Variants in ACACA observed in about 807,000 individuals in gnomAD.
ACACA encodes the protein acetyl-CoA carboxylase 1.
In ACACA, 103 loss-of-function variants were observed where a neutral mutation model predicts 296.1. The ratio of observed to expected loss-of-function variants is 0.35; its 90% CI spans 0.30 to 0.41. ACACA has a LOEUF of 0.41. Ranked by LOEUF, ACACA falls within the 10% of genes least tolerant of loss-of-function variation. ACACA has a pLI of 1.00. For synonymous variants in ACACA, 953 were observed against 1,038.6 expected (o/e 0.92, Z 1.58); for missense variants, 1,554 against 2,989.7 (o/e 0.52, Z 11.20).
intron 1 of ACACA, chr17:37,359,080 C>T: frequency 1.0e-6 from 1 of 985,904 alleles, no homozygotes; most frequent in Non-Finnish European, 1.2e-6. Flanking sequence ...ACGCCGGCGG[C>T]TCGGGCGATG....
intron 41 of ACACA, among the ~76,000 whole-genome samples, chr17:37,176,520 T>C (rs1341866301): frequency 2.6e-5 from 4 of 152,230 alleles, no homozygotes; most frequent in Non-Finnish European, 5.9e-5. Flanking sequence ...GCTCTGTTCA[T>C]TCCCTTCACA....
At chr17:37,393,565 G>A (rs1334104803) in intron 1 of ACACA, among the ~76,000 whole-genome samples, 2 of 151,980 alleles carry the variant, frequency 1.3e-5, no homozygotes, top group Non-Finnish European at 2.9e-5. Context: ...ATTGGAGGCC[G>A]GGCACGGTGG....
chr17:37,333,384 A>C (rs1158989402), intron 2 of ACACA, among the ~76,000 whole-genome samples: 5 of 152,110 alleles, frequency 3.3e-5, no homozygotes, highest in African/African-American at 1.2e-4. Context: ...GGGAACCGCC[A>C]ACCAGATATT....
chr17:37,291,268 T>G (rs1283249163), intron 3 of ACACA, among the ~76,000 whole-genome samples: 1 of 151,556 alleles, frequency 6.6e-6, no homozygotes, highest in Non-Finnish European at 1.5e-5. Flanking sequence ...CTCCACCTCC[T>G]GGGTTCAAGC....
At chr17:37,221,393 T>A in intron 29 of ACACA, 2 of 367,340 alleles carry the variant, frequency 5.4e-6, no homozygotes, top group South Asian at 5.4e-5. Context: ...ATTTAAATTG[T>A]TAAAAAGAGT....
chr17:37,292,634 T>C (rs1208602280), intron 3 of ACACA, among the ~76,000 whole-genome samples: 1 of 152,226 alleles, frequency 6.6e-6, no homozygotes, highest in Non-Finnish European at 1.5e-5. Context: ...GGTGAGAGGA[T>C]GGCTTGAGGC....
intron 41 of ACACA, among the ~76,000 whole-genome samples, chr17:37,174,012 A>ATTTT (rs1339330288): frequency 7.2e-4 from 9 of 12,468 alleles, no homozygotes; most frequent in African/African-American, 2.0e-3. Flanking sequence ...ATATATATAT[A>ATTTT]TATATATATT....
At chr17:37,183,696 A>G (rs2077410848) in intron 39 of ACACA, among the ~76,000 whole-genome samples, 1 of 151,688 alleles carries the variant, frequency 6.6e-6, no homozygotes, top group African/African-American at 2.4e-5. Flanking sequence ...AGGCAGGAGA[A>G]TGGTGTGAAC....
At chr17:37,192,818 T>C (rs547564772) in intron 36 of ACACA, among the ~76,000 whole-genome samples, 1 of 152,224 alleles carries the variant, frequency 6.6e-6, no homozygotes, top group East Asian at 1.9e-4. Context: ...GAACACTATA[T>C]CCATAGATAT....
intron 45 of ACACA, among the ~76,000 whole-genome samples, chr17:37,137,769 T>A (rs529111699): frequency 4.4e-4 from 67 of 152,338 alleles, no homozygotes; most frequent in African/African-American, 1.5e-3. Context: ...GGGCTAAAAT[T>A]AAACTAGTAA....
chr17:37,199,946 G>C (rs1272806954), intron 35 of ACACA, among the ~76,000 whole-genome samples, 193 bp downstream of exon 35: 1 of 151,970 alleles, frequency 6.6e-6, no homozygotes, highest in Non-Finnish European at 1.5e-5. Context: ...CAAACTTGTG[G>C]GCTCAAGCAA....
At chr17:37,210,382 T>C (rs2078692429) in intron 30 of ACACA, 85 bp downstream of exon 30, 1 of 1,227,316 alleles carries the variant, frequency 8.1e-7, no homozygotes, top group African/African-American at 1.5e-5. Flanking sequence ...TCTTGTCAAG[T>C]GTTGTGGTTT....
At chr17:37,147,957 C>T (rs1183049043) in intron 45 of ACACA, among the ~76,000 whole-genome samples, 1 of 151,878 alleles carries the variant, frequency 6.6e-6, no homozygotes, top group Non-Finnish European at 1.5e-5. Context: ...AACCAAAAAC[C>T]CAACATCTGC....
At chr17:37,240,289 T>G (rs1382242966) in intron 24 of ACACA, among the ~76,000 whole-genome samples, 187 bp downstream of exon 24, 1 of 152,230 alleles carries the variant, frequency 6.6e-6, no homozygotes, top group Non-Finnish European at 1.5e-5. Context: ...GTTTCGTTGT[T>G]CTTTCTTTAG....
chr17:37,125,418 T>C (rs1314455264), intron 48 of ACACA, among the ~76,000 whole-genome samples: 1 of 152,216 alleles, frequency 6.6e-6, no homozygotes, highest in Non-Finnish European at 1.5e-5. Context: ...GCTATTGTAG[T>C]TGGGCTTTAC....
chr17:37,400,215 G>T (rs147127982), intron 1 of ACACA, among the ~76,000 whole-genome samples: 1 of 152,134 alleles, frequency 6.6e-6, no homozygotes, highest in Non-Finnish European at 1.5e-5. Context: ...TGCCTCCCGG[G>T]TTCAAGTGAT....
At chr17:37,257,588 G>C in intron 14 of ACACA, 115 bp downstream of exon 14, 2 of 1,028,528 alleles carry the variant, frequency 1.9e-6, no homozygotes, top group East Asian at 5.1e-5. Flanking sequence ...TCTTCAAAAA[G>C]GTTGTTCATA....
At chr17:37,355,353 C>T (rs1236085060) in intron 1 of ACACA, among the ~76,000 whole-genome samples, 1 of 151,856 alleles carries the variant, frequency 6.6e-6, no homozygotes, top group Admixed American at 6.6e-5. Flanking sequence ...GTCAGGAGTT[C>T]AAGACCAGGC....
rs1162910560 is a variant in ACACA, at chr17:37,260,279, TATATATATATATATATA to T, written c.1330-766_1330-750del. On this transcript the variant is annotated intron_variant, in intron 11 of 55. Transcript: ENST00000616317. ...ATATATATATATATATATATATATATATATATATATATATATATTTTTTTTTTTTTTTTTTTTGGAGA... is the reference window on the plus strand; with the variant it reads ...ATATATATATATATATATATATATATTTTTTTTTTTTTTTTTTTTTGGAGA... Among the ~76,000 whole-genome samples, 117 of 34,210 alleles carry T rather than the reference TATATATATATATATATA, an allele frequency of 3.4e-3. 1 individual carries two copies. Among genetic ancestry groups the T allele is most frequent in the African/African-American group, 0.013 (72 of 5,664 alleles). The allele number at this position is 34,210 out of a possible 152,430, so 22.4% of individuals were successfully genotyped here. A position where few individuals can be genotyped will look rare whatever the true frequency, so the allele number is the denominator to read the frequency against.
Sources: gnomAD v4.1 joint callset for allele counts (sites outside exome capture counted in the v4.1 genomes callset) on GRCh38, gnomAD v4.1.1 for gene constraint, MANE v1.5 for transcripts, NCBI Gene and HGNC (gene_info 2026-07-23, HGNC 2026-07-21) for gene names.